ZNF671: variants seen among roughly 807,000 people sequenced by gnomAD.
The protein encoded by ZNF671 is hypothetical protein FLJ23506.
A neutral mutation model predicts 16.6 loss-of-function variants in ZNF671; 19 were observed. The observed-to-expected ratio is 1.14, with a 90% CI of 0.80 to 1.68. The LOEUF (loss-of-function observed/expected upper bound fraction) is 1.68. ZNF671 is among the 40% of genes most tolerant of loss of function. The pLI, the probability that ZNF671 is intolerant of heterozygous loss-of-function variation, is 0.00. For synonymous variants in ZNF671, 238 were observed against 236.3 expected (o/e 1.01, Z -0.06); for missense variants, 637 against 659.8 (o/e 0.97, Z 0.38).
chr19:57,723,885 A>T (rs934060695), intron 1 of ZNF671, among the ~76,000 whole-genome samples: 6 of 144,838 alleles, frequency 4.1e-5, no homozygotes, highest in Non-Finnish European at 7.6e-5. Context: ...AAAAAAAAAA[A>T]ATACAAAAAT....
intron 2 of ZNF671, 123 bp from the exon 3 acceptor site, chr19:57,722,561 T>C: frequency 6.9e-7 from 1 of 1,459,750 alleles, no homozygotes. Flanking sequence ...AAGGTCCCTA[T>C]AAGTGACTAT....
chr19:57,725,588 A>G (rs1986017328), intron 1 of ZNF671, among the ~76,000 whole-genome samples: 1 of 151,860 alleles, frequency 6.6e-6, no homozygotes, highest in South Asian at 2.1e-4. Context: ...AGATCGCGCC[A>G]CTGCACTCCA....
At chr19:57,721,809 G>A (rs1985886060) in intron 3 of ZNF671, 112 bp from the exon 4 acceptor site, 2 of 1,408,124 alleles carry the variant, frequency 1.4e-6, no homozygotes, top group Non-Finnish European at 1.9e-6. Flanking sequence ...ACTGTTTTCA[G>A]AATGAGAGGC....
intron 1 of ZNF671, among the ~76,000 whole-genome samples, chr19:57,726,253 T>C (rs1027302061): frequency 6.7e-6 from 1 of 149,346 alleles, no homozygotes; most frequent in Non-Finnish European, 1.5e-5. Context: ...ACCCGGGAGG[T>C]AGAGGTTGCA....
Position 57,720,329 on chromosome 19 carries a change from T to C in ZNF671, c.*152A>G. The C allele has an allele frequency of 9.3e-7, 1 of 1,070,818 alleles. No individual in the cohort carries two copies. Among genetic ancestry groups the C allele is most frequent in the South Asian group, 1.5e-5 (1 of 65,166 alleles). 66.3% of individuals were successfully genotyped at this position (1,070,818 alleles called of 1,614,324 possible). ...ACATTGCTTAGACTGCTAAGGCCTG[T>C]GTCCGGTGTGAAATTCCCAATGGCG... On this transcript the variant is annotated 3_prime_UTR_variant, in exon 4 of 4. Transcript: ENST00000317398.
rs138737875 is a variant in ZNF671 at position 57,723,287 on chromosome 19, C to T, written c.192G>A (p.Glu64=). ...AAAGTCTCTGAGCATCATCAAGAAG[C>T]TCCCATTCTTCCCGAGAGAAGTATA... ...VFVYFSREEW[E]LLDDAQRLLY... The change falls in exon 2 of 4, where the codon GAG becomes GAA. Residue 64 remains glutamate, a synonymous_variant. Transcript: ENST00000317398. 1.2e-6 allele frequency: 2 copies of T among 1,613,820 alleles called. No individual in the cohort carries two copies. Among genetic ancestry groups the T allele is most frequent in the Non-Finnish European group, 1.7e-6 (2 of 1,179,800 alleles).
chr19:57,720,757 G>A lies in ZNF671; in HGVS notation c.1329C>T (p.His443=), dbSNP rs778325563. The A allele has an allele frequency of 1.2e-6, 2 of 1,614,128 alleles. No homozygotes were observed. Among genetic ancestry groups the A allele is most frequent in the Non-Finnish European group, 1.7e-6 (2 of 1,180,062 alleles). Residue 443 remains histidine (H), a synonymous_variant, in exon 4 of 4, where the codon CAC becomes CAT. Transcript: ENST00000317398. ...CATAATCACTGCTGTGAATTCTCCA[G>A]TGTACATTAAGGTGGGAGCTTTGGC... ...AFSQSSHLNV[H]WRIHSSDYEC...
chr19:57,727,084 C>T (rs1007599718), intron 1 of ZNF671: 1 of 308,672 alleles, frequency 3.2e-6, no homozygotes, highest in Non-Finnish European at 6.0e-6. Context: ...CTATTCAAAA[C>T]CCTCAGTTAA....
Position 57,720,648 on chromosome 19 carries a change from CAT to C in ZNF671, c.1436_1437del (p.Tyr479Ter). The C allele has an allele frequency of 6.2e-7, 1 of 1,614,212 alleles. No homozygotes were observed. Among genetic ancestry groups the C allele is most frequent in the Non-Finnish European group, 8.5e-7 (1 of 1,180,050 alleles). On this transcript the variant is annotated frameshift_variant, in exon 4 of 4. Coordinates refer to ENST00000317398, the MANE Select transcript of ZNF671 (RefSeq NM_024833.3). LOFTEE classifies it low-confidence loss of function (END_TRUNC). ...HQKVHSGEKP[Y>X]ECSKCGKAFT... ...AAGGCTTTCCCGCACTTGCTGCACT[CAT>C]AAGGCTTTTCTCCAGAGTGAACTTT...
In ZNF671 at chr19:57,720,492, C is replaced by T. The variant is rs770179359; in HGVS notation, c.1594G>A (p.Glu532Lys). The change falls in exon 4 of 4, where the codon GAA becomes AAA. Residue 532 changes from glutamate to lysine, a missense_variant. Transcript: ENST00000317398. ...CATTTGCTACACTCTTAAAGCTTTT[C>T]TCCAGCATGAACCCTCTGGTGCAGA... Reference protein sequence around the residue: ...LVLHQRVHAGEKL With the variant: ...LVLHQRVHAGKKL 44 of 1,612,294 alleles carry T rather than the reference C, an allele frequency of 2.7e-5. No homozygotes were observed. Among genetic ancestry groups the T allele is most frequent in the Non-Finnish European group, 3.2e-5 (38 of 1,178,590 alleles).
Position 57,721,294 on chromosome 19 carries a change from G to T in ZNF671, c.792C>A (p.Ser264Arg). 6.3e-7 allele frequency: 1 copy of T among 1,595,430 alleles called. No homozygotes were observed. The highest frequency in any genetic ancestry group is 8.6e-7 in the Non-Finnish European group (1 of 1,169,024). ...TAGTGCTCTTGTGGGGCTTCATGCT[G>T]CTGAGAGAGGCCTGATGCTGAAGAA... Reference protein sequence around the residue: ...SGLLQHQASLSSMKPHKSTKL... With the variant: ...SGLLQHQASLRSMKPHKSTKL... The change falls in exon 4 of 4, where the codon AGC (serine) becomes AGA (arginine). Residue 264 changes from serine (S) to arginine (R), a missense_variant. Ser to Arg is a moderately radical substitution (Grantham distance 110). Transcript: ENST00000317398.
intron 1 of ZNF671, chr19:57,727,090 G>GT: frequency 3.1e-6 from 1 of 324,810 alleles, no homozygotes; most frequent in Non-Finnish European, 5.7e-6. Context: ...AAAACCCTCA[G>GT]TTAATCTCAA....
Position 57,721,076 on chromosome 19 carries a change from C to A in ZNF671, c.1010G>T (p.Gly337Val), listed in dbSNP as rs1985849279. The A allele has an allele frequency of 1.2e-6, 2 of 1,614,088 alleles. No individual in the cohort carries two copies. The highest frequency in any genetic ancestry group is 2.7e-5 in the African/African-American group (2 of 74,938). ...TTCGCTGCACTCGTATGGCCTTTCTCCAGTGTGAACTGTCTGGTGTTTAAA... is the reference window on the plus strand; with the variant it reads ...TTCGCTGCACTCGTATGGCCTTTCTACAGTGTGAACTGTCTGGTGTTTAAA... ...DLFKHQTVHTGERPYECSECG... is the reference protein window; with the variant it reads ...DLFKHQTVHTVERPYECSECG... Residue 337 changes from glycine (G) to valine (V), a missense_variant, in exon 4 of 4, where the codon GGA (glycine) becomes GTA (valine). Physicochemically the swap from Gly to Val is moderately radical, Grantham distance 109. Coordinates refer to ENST00000317398, the MANE Select transcript of ZNF671 (RefSeq NM_024833.3).
chr19:57,723,136 C>G, intron 2 of ZNF671, 78 bp downstream of exon 2: 1 of 1,515,552 alleles, frequency 6.6e-7, no homozygotes, highest in Non-Finnish European at 8.9e-7. Context: ...CTCCAGGAAA[C>G]TGGTGAAGGA....
intron 1 of ZNF671, among the ~76,000 whole-genome samples, chr19:57,725,522 C>T (rs1986013996): frequency 6.6e-6 from 1 of 151,734 alleles, no homozygotes; most frequent in South Asian, 2.1e-4. Flanking sequence ...CCCAGCTACT[C>T]GGGAGGCTGA....
rs547014796 is a variant in ZNF671 at position 57,721,351 on chromosome 19, T to C, written c.735A>G (p.Lys245=). 4 of 1,612,196 alleles carry C rather than the reference T, an allele frequency of 2.5e-6. No individual in the cohort carries two copies. The highest frequency in any genetic ancestry group is 2.2e-5 in the East Asian group (1 of 44,826). The change falls in exon 4 of 4, where the codon AAA becomes AAG. Residue 245 remains lysine, a synonymous_variant. Coordinates refer to ENST00000317398, the MANE Select transcript of ZNF671 (RefSeq NM_024833.3). ...ATGTGGCTGAAAAGTCTCTCCTACC[T>C]TTCCCACATGTGAGGGTCTTCTCTG... ...HVPEKTLTCG[K]GRRDFSATSG... is the part of the protein sequence containing the mutation.
intron 3 of ZNF671, chr19:57,722,106 G>A: frequency 1.4e-6 from 1 of 711,652 alleles, no homozygotes. Flanking sequence ...CAGAGAAGTG[G>A]TGAAACATGG....
rs774721823 is a variant in ZNF671, at chr19:57,721,537, A to G, written c.549T>C (p.His183=). 1.2e-6 allele frequency: 2 copies of G among 1,614,132 alleles called. No individual in the cohort carries two copies. The highest frequency in any genetic ancestry group is 1.1e-5 in the South Asian group (1 of 91,080). The part of the protein sequence containing the change: ...LKDTLHLAKY[H]GGKARQKPYL... ...ATGGTTTCTGCCTGGCTTTTCCCCCATGGTATTTAGCCAGGTGTAAGGTAT... is the reference window on the plus strand; with the variant it reads ...ATGGTTTCTGCCTGGCTTTTCCCCCGTGGTATTTAGCCAGGTGTAAGGTAT... The change falls in exon 4 of 4, where the codon CAT becomes CAC. Residue 183 remains histidine, a synonymous_variant. Transcript: ENST00000317398.
At chr19:57,723,985 A>C (rs1985965436) in intron 1 of ZNF671, among the ~76,000 whole-genome samples, 1 of 150,976 alleles carries the variant, frequency 6.6e-6, no homozygotes, top group South Asian at 2.1e-4. Context: ...CAGAGGTTGC[A>C]GTGAGCTGAG....
Sources: gnomAD v4.1 joint callset for allele counts (sites outside exome capture counted in the v4.1 genomes callset) on GRCh38, gnomAD v4.1.1 for gene constraint, MANE v1.5 for transcripts, NCBI Gene and HGNC (gene_info 2026-07-23, HGNC 2026-07-21) for gene names.